The following CCSER1 variants were observed in gnomAD, a reference collection of about 807,000 sequenced individuals.
CCSER1 encodes coiled-coil serine rich protein 1.
In CCSER1, 41 loss-of-function variants were observed where a neutral mutation model predicts 82.0. The observed-to-expected ratio is 0.50, with a 90% CI of 0.39 to 0.65. The LOEUF is 0.65. Ranked by LOEUF, CCSER1 falls within the 30% of genes least tolerant of loss-of-function variation. The pLI is 0.00. For synonymous variants in CCSER1, 414 were observed against 383.9 expected, an observed-to-expected ratio of 1.08 and a Z score of -0.92; for missense variants, 1,119 against 1,064.2, an observed-to-expected ratio of 1.05 and a Z score of -0.72.
intron 3 of CCSER1, among the ~76,000 whole-genome samples, chr4:90,369,809 C>T (rs991471209): frequency 6.6e-6 from 1 of 152,104 alleles, no homozygotes; most frequent in Admixed American, 6.6e-5. Context: ...GCTGCTGTTT[C>T]TTTGAGATAC....
intron 10 of CCSER1, among the ~76,000 whole-genome samples, chr4:91,315,920 G>C (rs1448224190): frequency 6.6e-6 from 1 of 151,910 alleles, no homozygotes; most frequent in Non-Finnish European, 1.5e-5. Context: ...ATCTCATCTT[G>C]AATTGTACCT....
At chr4:90,491,995 C>G (rs1768104419) in intron 5 of CCSER1, among the ~76,000 whole-genome samples, 2 of 152,234 alleles carry the variant, frequency 1.3e-5, no homozygotes, top group South Asian at 2.1e-4. Flanking sequence ...TGTTGTGTCT[C>G]TGCCAGGCTT....
At chr4:91,220,620 A>G (rs533077246) in intron 10 of CCSER1, among the ~76,000 whole-genome samples, 11 of 152,262 alleles carry the variant, frequency 7.2e-5, no homozygotes, top group African/African-American at 1.9e-4. Flanking sequence ...TCAGTGAGCA[A>G]TTTACTAGTT....
At chr4:90,717,998 C>T (rs1209028121) in intron 6 of CCSER1, among the ~76,000 whole-genome samples, 2 of 151,672 alleles carry the variant, frequency 1.3e-5, no homozygotes, top group Non-Finnish European at 2.9e-5. Context: ...ACTGAATTTT[C>T]ACAGAAAGTT....
intron 9 of CCSER1, among the ~76,000 whole-genome samples, chr4:90,932,982 G>GAA (rs771267852): frequency 0.04 from 735 of 18,544 alleles, 178 homozygotes; most frequent in African/African-American, 0.065. Context: ...AAGAAAGAAA[G>GAA]AGAAAGAAAG....
intron 5 of CCSER1, among the ~76,000 whole-genome samples, chr4:90,485,379 G>C (rs985972255): frequency 6.6e-6 from 1 of 152,156 alleles, no homozygotes; most frequent in Non-Finnish European, 1.5e-5. Context: ...TGCACCCACT[G>C]TCCTGCACCC....
chr4:90,807,495 T>A (rs1267202393), intron 7 of CCSER1, among the ~76,000 whole-genome samples: 1 of 152,100 alleles, frequency 6.6e-6, no homozygotes, highest in Non-Finnish European at 1.5e-5. Flanking sequence ...GGCTCACACT[T>A]GTAGTCCTAC....
In CCSER1 at chr4:91,474,838, CAT is replaced by C. The variant is rs1335893417; in HGVS notation, c.2218-123733_2218-123732del. On this transcript the variant is annotated intron_variant, in intron 10 of 10. Transcript: ENST00000509176. Reference sequence around the variant, plus strand: ...ACACACACACACACACACACACACACATTGCCTTCCAAATTTGAGGGATAAAA... The same window carrying C: ...ACACACACACACACACACACACACACTGCCTTCCAAATTTGAGGGATAAAA... 4.1e-5 allele frequency among the ~76,000 whole-genome samples: 6 copies of C among 147,656 alleles called. No individual in the cohort carries two copies. The South Asian group carries it at 1.3e-3, about 33-fold the overall frequency.
At chr4:90,703,682 G>A (rs535561087) in intron 6 of CCSER1, among the ~76,000 whole-genome samples, 36 of 152,298 alleles carry the variant, frequency 2.4e-4, no homozygotes, top group Admixed American at 2.2e-3. Flanking sequence ...ATGTATTTAG[G>A]ATAGTTAGCT....
At chr4:91,340,268 G>A (rs770412556) in intron 10 of CCSER1, among the ~76,000 whole-genome samples, 1 of 152,166 alleles carries the variant, frequency 6.6e-6, no homozygotes, top group African/African-American at 2.4e-5. Flanking sequence ...GTACTACATT[G>A]TGAGTAACTG....
chr4:90,687,321 T>G (rs570813647), intron 6 of CCSER1, among the ~76,000 whole-genome samples: 2 of 152,284 alleles, frequency 1.3e-5, no homozygotes, highest in Middle Eastern at 3.4e-3. Context: ...TCTCATTTGC[T>G]CATCTTTTGT....
rs141928499 is a variant in CCSER1 at position 90,280,137 on chromosome 4, G to T, written c.-41-28107G>T. 2.9e-3 allele frequency among the ~76,000 whole-genome samples: 447 copies of T among 152,056 alleles called. 2 individuals are homozygous for T. The highest frequency in any genetic ancestry group is 4.4e-3 in the Non-Finnish European group (300 of 67,918). On this transcript the variant is annotated intron_variant, in intron 1 of 10. Transcript: ENST00000509176. Reference sequence around the variant, plus strand: ...AAAACAAATTCCAACAAGTTGGTAAGAGGCAAATAACAAACTAATGAATCT... The same window carrying T: ...AAAACAAATTCCAACAAGTTGGTAATAGGCAAATAACAAACTAATGAATCT...
chr4:90,600,765 G>A (rs1419601556), intron 5 of CCSER1, among the ~76,000 whole-genome samples: 1 of 151,440 alleles, frequency 6.6e-6, no homozygotes, highest in Non-Finnish European at 1.5e-5. Context: ...ATCCTGCTAG[G>A]ATTTTGATTG....
At chr4:91,183,802 G>A (rs1734267180) in intron 10 of CCSER1, among the ~76,000 whole-genome samples, 1 of 152,128 alleles carries the variant, frequency 6.6e-6, no homozygotes, top group Non-Finnish European at 1.5e-5. Flanking sequence ...TCAATTGGTT[G>A]TAACTTGACC....
At chr4:90,705,665 A>G (rs544927714) in intron 6 of CCSER1, among the ~76,000 whole-genome samples, 1 of 152,276 alleles carries the variant, frequency 6.6e-6, no homozygotes, top group East Asian at 1.9e-4. Context: ...CTCAAGCCTC[A>G]GCAATGGTGG....
At chr4:90,758,866 T>C (rs1439277201) in intron 7 of CCSER1, among the ~76,000 whole-genome samples, 1 of 152,168 alleles carries the variant, frequency 6.6e-6, no homozygotes, top group Non-Finnish European at 1.5e-5. Flanking sequence ...CAGAAGTTTG[T>C]ATATCTCATG....
At chr4:90,970,439 C>T (rs1734994347) in intron 9 of CCSER1, among the ~76,000 whole-genome samples, 2 of 151,766 alleles carry the variant, frequency 1.3e-5, no homozygotes, top group South Asian at 4.1e-4. Flanking sequence ...TAACATACAG[C>T]ACCCAAATAT....
At chr4:90,608,799 C>G (rs1785081566) in intron 5 of CCSER1, among the ~76,000 whole-genome samples, 2 of 151,784 alleles carry the variant, frequency 1.3e-5, no homozygotes, top group African/African-American at 2.4e-5. Context: ...TCATTTGATT[C>G]CTGATTGTCC....
intron 1 of CCSER1, among the ~76,000 whole-genome samples, chr4:90,299,048 A>C (rs561152339): frequency 1.3e-5 from 2 of 152,194 alleles, no homozygotes; most frequent in Admixed American, 6.6e-5. Context: ...CTGGCTGAGT[A>C]TCAAGATTAC....
Sources: gnomAD v4.1 joint callset for allele counts (sites outside exome capture counted in the v4.1 genomes callset) on GRCh38, gnomAD v4.1.1 for gene constraint, MANE v1.5 for transcripts, NCBI Gene and HGNC (gene_info 2026-07-23, HGNC 2026-07-21) for gene names.